PTPRG: variants seen among roughly 807,000 people sequenced by gnomAD.
The protein encoded by PTPRG is receptor-type tyrosine-protein phosphatase gamma.
Under a neutral mutation model 165.3 loss-of-function variants are expected in PTPRG, and 102 were observed. The ratio of observed to expected loss-of-function variants is 0.62; its 90% CI spans 0.53 to 0.73. The LOEUF (loss-of-function observed/expected upper bound fraction) is 0.73. Ranked by LOEUF, PTPRG falls within the 30% of genes least tolerant of loss-of-function variation. PTPRG has a pLI of 0.00. For synonymous variants in PTPRG, 675 were observed against 669.5 expected, an observed-to-expected ratio of 1.01 and a Z score of -0.13; for missense variants, 1,866 against 1,861.4, an observed-to-expected ratio of 1.00 and a Z score of -0.05.
chr3:61,783,959 T>C (rs2034619146), intron 2 of PTPRG, among the ~76,000 whole-genome samples: 1 of 152,144 alleles, frequency 6.6e-6, no homozygotes, highest in African/African-American at 2.4e-5. Flanking sequence ...CCATTGGGCA[T>C]TTGAACCTGA....
intron 4 of PTPRG, among the ~76,000 whole-genome samples, chr3:62,036,983 G>GAA (rs1553707728): frequency 6.6e-6 from 1 of 150,456 alleles, no homozygotes; most frequent in African/African-American, 2.4e-5. Context: ...GCGCGCGCAC[G>GAA]CACACACACA....
intron 2 of PTPRG, among the ~76,000 whole-genome samples, chr3:61,870,488 T>C: frequency 7.9e-6 from 1 of 127,332 alleles, no homozygotes; most frequent in African/African-American, 3.2e-5. Flanking sequence ...TTTTTTTTTT[T>C]TTTTTTTTTT....
chr3:62,286,763 T>C (rs1559765851), intron 28 of PTPRG, among the ~76,000 whole-genome samples: 1 of 152,120 alleles, frequency 6.6e-6, no homozygotes, highest in African/African-American at 2.4e-5. Flanking sequence ...TATATACTAC[T>C]GTCATTTTAC....
intron 2 of PTPRG, among the ~76,000 whole-genome samples, chr3:61,948,152 C>T (rs923065883): frequency 4.8e-4 from 73 of 151,998 alleles, no homozygotes; most frequent in African/African-American, 1.7e-3. Context: ...TAGAGAAACC[C>T]GGTCTCTACT....
intron 1 of PTPRG, among the ~76,000 whole-genome samples, chr3:61,660,282 A>G (rs532913908): frequency 6.6e-6 from 1 of 152,342 alleles, no homozygotes; most frequent in East Asian, 1.9e-4. Context: ...CACTAAGGAG[A>G]TGAATGTTTA....
rs964415458 is a variant in PTPRG, at chr3:61,860,691, G to T, written c.190+111709G>T. Among the ~76,000 whole-genome samples the T allele has an allele frequency of 2.6e-5, 4 of 152,058 alleles. No individual in the cohort carries two copies. The East Asian group carries it at 5.8e-4, about 22-fold the overall frequency. Reference sequence around the variant, plus strand: ...ACTCCTGACCTCAAGTGATCCACCCGCCTCAGCCTCCCAAAGTGCCGGGAT... The same window carrying T: ...ACTCCTGACCTCAAGTGATCCACCCTCCTCAGCCTCCCAAAGTGCCGGGAT... On this transcript the variant is annotated intron_variant, in intron 2 of 29. Transcript: ENST00000474889.
intron 2 of PTPRG, among the ~76,000 whole-genome samples, chr3:61,901,137 T>G (rs1053648222): frequency 6.6e-6 from 1 of 152,228 alleles, no homozygotes; most frequent in South Asian, 2.1e-4. Flanking sequence ...TCTAGTAGTC[T>G]ACATTTAAAT....
At chr3:61,684,115 A>G (rs1051889823) in intron 1 of PTPRG, among the ~76,000 whole-genome samples, 9 of 152,334 alleles carry the variant, frequency 5.9e-5, no homozygotes, top group African/African-American at 2.2e-4. Context: ...TTTGTCTCGT[A>G]TAGGCTATCA....
chr3:61,877,307 G>A (rs983328915), intron 2 of PTPRG, among the ~76,000 whole-genome samples: 11 of 152,168 alleles, frequency 7.2e-5, no homozygotes, highest in African/African-American at 2.4e-4. Flanking sequence ...TATTAAGAAC[G>A]TGGATGTTCT....
At chr3:61,961,695 C>G (rs751751) in intron 2 of PTPRG, among the ~76,000 whole-genome samples, 26,014 of 152,156 alleles carry the variant, frequency 0.17, 3,774 homozygotes, top group African/African-American at 0.4. Flanking sequence ...CTCAACCAGA[C>G]ACTAGAACTG....
intron 2 of PTPRG, among the ~76,000 whole-genome samples, chr3:61,882,288 G>A (rs2107473515): frequency 6.6e-6 from 1 of 152,326 alleles, no homozygotes; most frequent in East Asian, 1.9e-4. Flanking sequence ...TCTGAAAAGG[G>A]ACTTGCTCAG....
chr3:61,961,291 C>CTTG lies in PTPRG; in HGVS notation c.191-28328_191-28326dup, dbSNP rs1452324172. Among the ~76,000 whole-genome samples, 17 of 152,132 alleles carry CTTG rather than the reference C, an allele frequency of 1.1e-4. 1 individual carries two copies. Among genetic ancestry groups the CTTG allele is most frequent in the Non-Finnish European group, 2.1e-4 (14 of 68,030 alleles). On this transcript the variant is annotated intron_variant, in intron 2 of 29. Coordinates refer to ENST00000474889, the MANE Select transcript of PTPRG (RefSeq NM_002841.4). ...ATTCATTGGTTTGAGTTCAGCTTTT[C>CTTG]TTGTTGTTTCCAAATAATACCTTTA...
chr3:61,949,741 TTTG>T (rs2039853625), intron 2 of PTPRG, among the ~76,000 whole-genome samples: 4 of 146,580 alleles, frequency 2.7e-5, no homozygotes, highest in Admixed American at 1.4e-4. Flanking sequence ...TTTTTTTTTT[TTTG>T]TTTGTTTGTT....
Position 62,275,958 on chromosome 3 carries a change from T to G in PTPRG, c.3551T>G (p.Val1184Gly), listed in dbSNP as rs1471783348. The change falls in exon 24 of 30, where the codon GTT (valine) becomes GGT (glycine). Residue 1184 changes from valine to glycine, a missense_variant. Physicochemically the swap from Val to Gly is moderately radical, Grantham distance 109 (BLOSUM62 -3). Transcript: ENST00000474889. ...CNKEKNRNSS[V>G]VPSERARVGL... Reference sequence around the variant, plus strand: ...AAAGAAAAGAACAGAAACTCTTCAGTTGTGCCATGTAAGACTTTAAAACAG... The same window carrying G: ...AAAGAAAAGAACAGAAACTCTTCAGGTGTGCCATGTAAGACTTTAAAACAG... 6.2e-7 allele frequency: 1 copy of G among 1,605,742 alleles called. No individual in the cohort carries two copies. Among genetic ancestry groups the G allele is most frequent in the Non-Finnish European group, 8.5e-7 (1 of 1,173,188 alleles).
intron 1 of PTPRG, among the ~76,000 whole-genome samples, chr3:61,653,757 A>G (rs1450595438): frequency 1.3e-5 from 2 of 152,076 alleles, no homozygotes; most frequent in African/African-American, 2.4e-5. Context: ...CCCAGCCTCT[A>G]TGAAAGGGAG....
intron 4 of PTPRG, among the ~76,000 whole-genome samples, chr3:62,034,326 C>T (rs772695628): frequency 6.6e-6 from 1 of 152,210 alleles, no homozygotes; most frequent in Non-Finnish European, 1.5e-5. Flanking sequence ...TTTTAATTCT[C>T]ACTGGAAACC....
intron 2 of PTPRG, among the ~76,000 whole-genome samples, chr3:61,958,010 T>TA (rs1445435232): frequency 6.6e-6 from 1 of 152,246 alleles, no homozygotes; most frequent in Non-Finnish European, 1.5e-5. Context: ...TCTGGTTTGT[T>TA]AGTTATCCTT....
At chr3:62,197,688 A>C (rs1330825549) in intron 10 of PTPRG, among the ~76,000 whole-genome samples, 1 of 152,208 alleles carries the variant, frequency 6.6e-6, no homozygotes, top group Admixed American at 6.5e-5. Context: ...TCCATCCAAG[A>C]GCCTAGAATC....
At chr3:62,075,937 T>C (rs1291599250) in intron 4 of PTPRG, among the ~76,000 whole-genome samples, 1 of 152,148 alleles carries the variant, frequency 6.6e-6, no homozygotes, top group Non-Finnish European at 1.5e-5. Flanking sequence ...ACACTCTTAC[T>C]AGAAATGTTA....
Sources: gnomAD v4.1 joint callset for allele counts (sites outside exome capture counted in the v4.1 genomes callset) on GRCh38, gnomAD v4.1.1 for gene constraint, MANE v1.5 for transcripts, NCBI Gene and HGNC (gene_info 2026-07-23, HGNC 2026-07-21) for gene names.